Variants in GLB1L observed in about 807,000 individuals in gnomAD.
The protein encoded by GLB1L is beta-galactosidase-1-like protein.
In GLB1L, 58 loss-of-function variants were observed where a neutral mutation model predicts 75.7. The observed-to-expected ratio is 0.77, with a 90% CI of 0.62 to 0.95. The LOEUF is 0.95. Ranked by LOEUF, GLB1L falls within the 40% of genes least tolerant of loss-of-function variation. GLB1L has a pLI of 0.00. For synonymous variants in GLB1L, 296 were observed against 303.0 expected, an observed-to-expected ratio of 0.98 and a Z score of 0.24; for missense variants, 797 against 805.5, an observed-to-expected ratio of 0.99 and a Z score of 0.13.
intron 5 of GLB1L, among the ~76,000 whole-genome samples, chr2:219,241,454 A>G (rs1318896469): frequency 1.4e-5 from 2 of 138,738 alleles, no homozygotes; most frequent in African/African-American, 2.6e-5. Context: ...ATATATATAT[A>G]TATATATATA....
intron 14 of GLB1L, 70 bp from the exon 15 acceptor site, chr2:219,238,027 C>T (rs1951293453): frequency 6.8e-7 from 1 of 1,469,326 alleles, no homozygotes; most frequent in South Asian, 1.2e-5. Context: ...GGAAACCACA[C>T]ATTAGGATAC....
intron 6 of GLB1L, 35 bp downstream of exon 6, chr2:219,240,156 C>G: frequency 6.2e-7 from 1 of 1,613,400 alleles, no homozygotes; most frequent in Non-Finnish European, 8.5e-7. Context: ...CCCCTTGTAC[C>G]TTCTTCCCCT....
At chr2:219,241,430 GTGTGTGTGTGTGTATA>G (rs1559266509) in intron 5 of GLB1L, among the ~76,000 whole-genome samples, 4 of 98,210 alleles carry the variant, frequency 4.1e-5, no homozygotes, top group East Asian at 4.6e-4. Flanking sequence ...GTGTGTGTGT[GTGTGTGTGTGTGTATA>G]TATATATATA....
intron 3 of GLB1L, 78 bp from the exon 4 acceptor site, chr2:219,242,996 T>C: frequency 6.3e-7 from 1 of 1,590,716 alleles, no homozygotes; most frequent in Non-Finnish European, 8.6e-7. Context: ...TTGCAGGGAA[T>C]CTCCAGGAAG....
intron 2 of GLB1L, 39 bp downstream of exon 2, chr2:219,243,463 T>C: frequency 6.2e-7 from 1 of 1,611,252 alleles, no homozygotes; most frequent in Non-Finnish European, 8.5e-7. Context: ...CTGATCCCGC[T>C]CACCGCACCC....
In GLB1L at chr2:219,236,794, TCTCA is replaced by T. The variant is rs1384310103; in HGVS notation, c.*274_*277del. The T allele has an allele frequency of 1.5e-5, 4 of 262,824 alleles. No individual in the cohort carries two copies. Among genetic ancestry groups the T allele is most frequent in the Non-Finnish European group, 2.6e-5 (4 of 152,324 alleles). 16.3% of individuals were successfully genotyped at this position (262,824 alleles called of 1,614,324 possible). A position where few individuals can be genotyped will look rare whatever the true frequency, so the allele number is the denominator to read the frequency against. On this transcript the variant is annotated 3_prime_UTR_variant, in exon 17 of 17. Coordinates refer to ENST00000295759, the MANE Select transcript of GLB1L (RefSeq NM_001286423.2). ...TTTTTTTTTTTTTTGAGATGGAGTG[TCTCA>T]CTGTCAGCCAGGCTGGAGTGCAGTG...
Position 219,238,250 on chromosome 2 carries a change from C to G in GLB1L, c.1341G>C (p.Gly447=). ...VHDRAYVMVD[G]VFQGVVERNM... is the part of the protein sequence containing the mutation. ...TCACAGCCTGGAATTAGGTTCTCAC[C>G]CCATCCACCATCACATAGGCACGGT... Residue 447 remains glycine, a splice_region_variant and synonymous_variant, in exon 14 of 17, where the codon GGG becomes GGC. Transcript: ENST00000295759. 6.3e-7 allele frequency: 1 copy of G among 1,589,412 alleles called. No individual in the cohort carries two copies. Among genetic ancestry groups the G allele is most frequent in the Non-Finnish European group, 8.6e-7 (1 of 1,165,994 alleles).
At chr2:219,241,327 C>T (rs181038813) in intron 5 of GLB1L, among the ~76,000 whole-genome samples, 145 of 150,488 alleles carry the variant, frequency 9.6e-4, no homozygotes, top group African/African-American at 3.3e-3. Flanking sequence ...TGCAGTGAGC[C>T]GAGATTGCGC....
chr2:219,244,825 AG>A (rs1951488747), intron 1 of GLB1L, among the ~76,000 whole-genome samples: 1 of 152,236 alleles, frequency 6.6e-6, no homozygotes, highest in Non-Finnish European at 1.5e-5. Flanking sequence ...AGGAGAGGAA[AG>A]GACAGAAACA....
At chr2:219,242,005 G>A (rs1196078786) in intron 5 of GLB1L, among the ~76,000 whole-genome samples, 3 of 152,022 alleles carry the variant, frequency 2.0e-5, no homozygotes, top group African/African-American at 7.2e-5. Context: ...TCTTTTTTGA[G>A]ACAAAGTCTC....
chr2:219,241,436 G>GTATATATATATATATA (rs1382396720), intron 5 of GLB1L, among the ~76,000 whole-genome samples: 116 of 84,238 alleles, frequency 1.4e-3, no homozygotes, highest in East Asian at 3.9e-3. Flanking sequence ...GTGTGTGTGT[G>GTATATATATATATATA]TGTGTGTATA....
intron 1 of GLB1L, 187 bp from the exon 2 acceptor site, chr2:219,243,830 G>C (rs887490589): frequency 1.8e-5 from 8 of 451,718 alleles, no homozygotes; most frequent in Non-Finnish European, 3.3e-5. Context: ...AATCTGGCTG[G>C]GCACGATGGC....
Position 219,236,874 on chromosome 2 carries a change from C to T in GLB1L, c.*198G>A, listed in dbSNP as rs1055107257. 2.3e-5 allele frequency: 11 copies of T among 475,224 alleles called. No homozygotes were observed. The highest frequency in any genetic ancestry group is 4.0e-5 in the African/African-American group (2 of 49,762). 29.4% of individuals were successfully genotyped at this position (475,224 alleles called of 1,614,324 possible). A position where few individuals can be genotyped will look rare whatever the true frequency, so the allele number is the denominator to read the frequency against. On this transcript the variant is annotated 3_prime_UTR_variant, in exon 17 of 17. Coordinates refer to ENST00000295759, the MANE Select transcript of GLB1L (RefSeq NM_001286423.2). The stretch of plus-strand genomic sequence containing the variant: ...CTGCCTCCTGGATTCAAGCAATTCT[C>T]CTGCCCTCAGCCTCCCAAGTAGCTG...
At chr2:219,241,618 C>A (rs1951397445) in intron 5 of GLB1L, among the ~76,000 whole-genome samples, 1 of 151,502 alleles carries the variant, frequency 6.6e-6, no homozygotes, top group Non-Finnish European at 1.5e-5. Flanking sequence ...GCAATGAGGC[C>A]ACTGTGGCTG....
At position 219,237,660 on chromosome 2, in the gene GLB1L, A is replaced by G. The variant is rs112721824; in HGVS notation, c.1541T>C (p.Ile514Thr). 56 of 1,614,200 alleles carry G rather than the reference A, an allele frequency of 3.5e-5. No homozygotes were observed. The highest frequency in any genetic ancestry group is 2.8e-4 in the Admixed American group (17 of 60,018). The change falls in exon 16 of 17, where the codon ATT (isoleucine) becomes ACT (threonine). Residue 514 changes from isoleucine to threonine, a missense_variant. Ile to Thr is a moderately conservative substitution (Grantham distance 89). Transcript: ENST00000295759. ...LTQWMMFPLK[I>T]DNLVKWWFPL... is the part of the protein sequence containing the mutation. ...AAACCACCACTTCACAAGGTTATCA[A>G]TTTTCAGAGGGAACATCATCCACTG...
intron 3 of GLB1L, 25 bp from the exon 4 acceptor site, chr2:219,242,943 A>G (rs3755049): frequency 0.02 from 31,928 of 1,613,416 alleles, 879 homozygotes; most frequent in East Asian, 0.11. Context: ...GGTTAATAGG[A>G]ACCAAGGTGA....
At chr2:219,238,096 C>A (rs1559263460) in intron 14 of GLB1L, 139 bp from the exon 15 acceptor site, 11 of 1,081,992 alleles carry the variant, frequency 1.0e-5, no homozygotes, top group Non-Finnish European at 1.4e-5. Flanking sequence ...AGAATTCTAT[C>A]CTTAATCAAA....
chr2:219,240,663 G>T (rs1405064365), intron 5 of GLB1L, among the ~76,000 whole-genome samples: 2 of 152,186 alleles, frequency 1.3e-5, no homozygotes, highest in Non-Finnish European at 2.9e-5. Context: ...AGAATCGCTT[G>T]AACCCGGGAG....
rs1320801598 is a variant in GLB1L, at chr2:219,240,085, C to T, written c.556G>A (p.Glu186Lys). Residue 186 changes from glutamate (E) to lysine (K), a missense_variant, in exon 7 of 17, where the codon GAA becomes AAA. Glu to Lys is a moderately conservative substitution (Grantham distance 56). Coordinates refer to ENST00000295759, the MANE Select transcript of GLB1L (RefSeq NM_001286423.2). The stretch of plus-strand genomic sequence containing the variant: ...TCACAGGCTCTGTAGCTACCATATT[C>T]ATTCTCCACCTGCCAGAGGGGAGGG... Reference protein sequence around the residue: ...GNIISIQVENEYGSYRACDFS... With the variant: ...GNIISIQVENKYGSYRACDFS... 1 of 1,614,176 alleles carries T rather than the reference C, an allele frequency of 6.2e-7. No homozygotes were observed. The highest frequency in any genetic ancestry group is 8.5e-7 in the Non-Finnish European group (1 of 1,180,046).
Sources: gnomAD v4.1 joint callset for allele counts (sites outside exome capture counted in the v4.1 genomes callset) on GRCh38, gnomAD v4.1.1 for gene constraint, MANE v1.5 for transcripts, NCBI Gene and HGNC (gene_info 2026-07-23, HGNC 2026-07-21) for gene names.